Variants in PLA2R1 observed in about 807,000 individuals in gnomAD.
PLA2R1 encodes phospholipase A2 receptor 1.
Under a neutral mutation model 195.9 loss-of-function variants are expected in PLA2R1, and 158 were observed. That is an observed-to-expected ratio of 0.81 (90% CI 0.71 to 0.92). The LOEUF (loss-of-function observed/expected upper bound fraction) is 0.92. Ranked by LOEUF, PLA2R1 falls within the 40% of genes least tolerant of loss-of-function variation. The pLI is 0.00. For missense variants in PLA2R1, 1,626 were observed against 1,764.6 expected (o/e 0.92, Z 1.41); for synonymous variants, 586 against 598.2 (o/e 0.98, Z 0.30).
intron 24 of PLA2R1, among the ~76,000 whole-genome samples, chr2:159,950,923 G>T (rs571952107): frequency 6.6e-6 from 1 of 152,202 alleles, no homozygotes; most frequent in Admixed American, 6.5e-5. Flanking sequence ...AATTATAAGT[G>T]GTACTAAACT....
chr2:160,061,279 G>A (rs1695933431), intron 1 of PLA2R1, among the ~76,000 whole-genome samples: 1 of 152,082 alleles, frequency 6.6e-6, no homozygotes, highest in Admixed American at 6.5e-5. Flanking sequence ...GCCTGAGGTG[G>A]CCCATTCTCA....
intron 11 of PLA2R1, among the ~76,000 whole-genome samples, chr2:159,989,341 T>G (rs914930409): frequency 6.6e-6 from 1 of 152,222 alleles, no homozygotes; most frequent in Non-Finnish European, 1.5e-5. Context: ...GCAATAAAAC[T>G]GAACTGGAGA....
At chr2:159,991,711 GTGTT>G (rs1223044375) in intron 11 of PLA2R1, among the ~76,000 whole-genome samples, 2 of 144,480 alleles carry the variant, frequency 1.4e-5, no homozygotes. Flanking sequence ...AGAATATTCG[GTGTT>G]TGGTTTTTTG....
intron 15 of PLA2R1, 130 bp from the exon 16 acceptor site, chr2:159,976,850 T>C: frequency 1.4e-6 from 1 of 717,944 alleles, no homozygotes; most frequent in Non-Finnish European, 2.5e-6. Context: ...AGGTACATTG[T>C]GCTGTTTGGA....
chr2:160,011,460 C>CAA (rs200504223), intron 10 of PLA2R1, among the ~76,000 whole-genome samples: 1 of 151,774 alleles, frequency 6.6e-6, no homozygotes, highest in Admixed American at 6.6e-5. Context: ...AACAGGTATT[C>CAA]AAAAAAAATT....
the PLA2R1 span, among the ~76,000 whole-genome samples, chr2:159,925,442 T>C: frequency 1.3e-5 from 2 of 152,172 alleles, no homozygotes; most frequent in African/African-American, 4.8e-5. Context: ...ATTGTTTTTA[T>C]TGTTGACACT....
intron 2 of PLA2R1, among the ~76,000 whole-genome samples, chr2:160,042,841 GTA>G (rs1346419282): frequency 6.6e-4 from 37 of 56,018 alleles, no homozygotes; most frequent in Admixed American, 9.1e-4. Flanking sequence ...GTGTGTGTGT[GTA>G]TGTGTGAGAC....
At chr2:159,949,804 C>T (rs1338189106) in intron 24 of PLA2R1, 28 bp from the exon 25 acceptor site, 2 of 1,598,624 alleles carry the variant, frequency 1.3e-6, no homozygotes, top group East Asian at 2.2e-5. Flanking sequence ...GCCATCATTT[C>T]CTTGCCACGA....
At chr2:159,976,003 T>C (rs1574712160) in intron 17 of PLA2R1, 65 bp downstream of exon 17, 1 of 573,296 alleles carries the variant, frequency 1.7e-6, no homozygotes, top group Non-Finnish European at 3.2e-6. Context: ...TATCCCTCCC[T>C]CCCTCCCAAG....
chr2:160,059,601 T>C (rs536350989), intron 1 of PLA2R1, among the ~76,000 whole-genome samples: 3 of 152,304 alleles, frequency 2.0e-5, no homozygotes, highest in African/African-American at 4.8e-5. Context: ...AGAACTTAAC[T>C]ACTATATAAT....
In PLA2R1 at chr2:159,977,412, A is replaced by G; in HGVS notation, c.2273T>C (p.Val758Ala). Residue 758 changes from valine (V) to alanine (A), a missense_variant, in exon 15 of 30, where the codon GTC (valine) becomes GCC (alanine). Coordinates refer to ENST00000283243, the MANE Select transcript of PLA2R1 (RefSeq NM_007366.5). ...SWEWSDRTPV[V>A]SSFLDNTYFG... ...ATAAGTGTTGTCTAAAAACGAAGAGACAACCTGCAGCAGATGAAGTTCATT... is the reference window on the plus strand; with the variant it reads ...ATAAGTGTTGTCTAAAAACGAAGAGGCAACCTGCAGCAGATGAAGTTCATT... The G allele has an allele frequency of 6.2e-7, 1 of 1,613,230 alleles. No individual in the cohort carries two copies. Among genetic ancestry groups the G allele is most frequent in the Non-Finnish European group, 8.5e-7 (1 of 1,179,430 alleles).
chr2:159,929,224 AG>A (rs1686538886), downstream of PLA2R1, among the ~76,000 whole-genome samples: 1 of 152,230 alleles, frequency 6.6e-6, no homozygotes, highest in Non-Finnish European at 1.5e-5. Context: ...CAACCTACAG[AG>A]TGGGAGAAAA....
chr2:159,948,219 A>C (rs771706296), intron 25 of PLA2R1, among the ~76,000 whole-genome samples: 1 of 152,056 alleles, frequency 6.6e-6, no homozygotes, highest in Non-Finnish European at 1.5e-5. Flanking sequence ...AAAACCTTTA[A>C]AAATATTTTT....
intron 28 of PLA2R1, 44 bp downstream of exon 28, chr2:159,944,862 T>C: frequency 1.4e-6 from 2 of 1,439,172 alleles, no homozygotes; most frequent in Non-Finnish European, 2.0e-6. Flanking sequence ...CAACATTAGT[T>C]AAGGTAGAAT....
intron 15 of PLA2R1, 135 bp downstream of exon 15, chr2:159,977,148 AC>A: frequency 4.5e-6 from 3 of 661,096 alleles, no homozygotes; most frequent in Non-Finnish European, 7.6e-6. Flanking sequence ...TCCTATAGAA[AC>A]ATTTTTTGCT....
intron 15 of PLA2R1, 137 bp from the exon 16 acceptor site, chr2:159,976,857 T>A: frequency 1.5e-6 from 1 of 685,302 alleles, no homozygotes; most frequent in Non-Finnish European, 2.6e-6. Context: ...TTGTGCTGTT[T>A]GGAATATATG....
rs993600126 is a variant in PLA2R1, at chr2:159,936,890, T to G, written c.*4888A>C. Reference sequence around the variant, plus strand: ...TTTTAACCACTAGTATTACAGGGTTTGTTTCCACAGCACTCTCTAACTTAT... The same window carrying G: ...TTTTAACCACTAGTATTACAGGGTTGGTTTCCACAGCACTCTCTAACTTAT... On this transcript the variant is annotated 3_prime_UTR_variant, in exon 30 of 30. Transcript: ENST00000283243. 3.3e-5 allele frequency: 5 copies of G among 152,232 alleles called. No homozygotes were observed. The highest frequency in any genetic ancestry group is 1.2e-4 in the African/African-American group (5 of 41,462). The allele number at this position is 152,232 out of a possible 1,614,324, so 9.4% of individuals were successfully genotyped here. A position where few individuals can be genotyped will look rare whatever the true frequency, so the allele number is the denominator to read the frequency against.
intron 13 of PLA2R1, 103 bp from the exon 14 acceptor site, chr2:159,980,017 T>C: frequency 1.7e-6 from 1 of 589,666 alleles, no homozygotes; most frequent in Non-Finnish European, 3.1e-6. Context: ...CACATGTAAC[T>C]AACCTGCATA....
intron 23 of PLA2R1, 120 bp downstream of exon 23, chr2:159,955,079 G>T: frequency 1.4e-6 from 1 of 701,406 alleles, no homozygotes; most frequent in Non-Finnish European, 2.4e-6. Context: ...AAGAAGAAGT[G>T]CCTGACACTG....
Sources: gnomAD v4.1 joint callset for allele counts (sites outside exome capture counted in the v4.1 genomes callset) on GRCh38, gnomAD v4.1.1 for gene constraint, MANE v1.5 for transcripts, NCBI Gene and HGNC (gene_info 2026-07-23, HGNC 2026-07-21) for gene names.